TNC: variants seen among roughly 807,000 people sequenced by gnomAD.
The protein encoded by TNC is tenascin C.
In TNC, 109 loss-of-function variants were observed where a neutral mutation model predicts 202.4. The ratio of observed to expected loss-of-function variants is 0.54; its 90% CI spans 0.46 to 0.63. The LOEUF (loss-of-function observed/expected upper bound fraction) is 0.63, where lower values mean the gene tolerates loss of function less well. Among genes scored for constraint, TNC ranks in the 30% least tolerant of loss-of-function variants. TNC has a pLI of 0.00. For synonymous variants in TNC, 1,007 were observed against 1,089.7 expected, an observed-to-expected ratio of 0.92 and a Z score of 1.50; for missense variants, 2,756 against 2,833.3, an observed-to-expected ratio of 0.97 and a Z score of 0.62.
Position 115,090,856 on chromosome 9 carries a change from T to C in TNC, c.163A>G (p.Asn55Asp). The C allele has an allele frequency of 1.9e-6, 3 of 1,614,218 alleles. No homozygotes were observed. The highest frequency in any genetic ancestry group is 2.5e-6 in the Non-Finnish European group (3 of 1,180,038). ...NQPVVFNHVY[N>D]IKLPVGSQCS... is the part of the protein sequence containing the mutation. ...TGGGATCCCACTGGCAGCTTGATGTTGTAAACGTGGTTAAACACCACTGGC... is the reference window on the plus strand; with the variant it reads ...TGGGATCCCACTGGCAGCTTGATGTCGTAAACGTGGTTAAACACCACTGGC... The change falls in exon 2 of 28, where the codon AAC (asparagine) becomes GAC (aspartate). Residue 55 changes from asparagine to aspartate, a missense_variant. Physicochemically the swap from Asn to Asp is conservative, Grantham distance 23. This residue lies in a region of TNC where 2,559 missense variants were observed against 2,546.0 expected (regional missense o/e 1.01). Transcript: ENST00000350763.
intron 3 of TNC, 75 bp from the exon 4 acceptor site, chr9:115,084,547 C>T: frequency 3.9e-6 from 6 of 1,534,032 alleles, no homozygotes; most frequent in Non-Finnish European, 5.3e-6. Flanking sequence ...TTTGACCTGT[C>T]TTTTCCACTG....
At position 115,026,638 on chromosome 9, in the gene TNC, AG is replaced by A; in HGVS notation, c.6226del (p.Leu2076CysfsTer26). ...AAAGGCTGTCTCCCCATGGTCCCGC[AG>A]GTCCACCCGGAGCTCGTACTGCCCC... ...AQGQYELRVD[L>X]RDHGETAFAV... On this transcript the variant is annotated frameshift_variant, in exon 26 of 28. Coordinates refer to ENST00000350763, the MANE Select transcript of TNC (RefSeq NM_002160.4). LOFTEE classifies it high-confidence loss of function. 2 of 1,613,908 alleles carry A rather than the reference AG, an allele frequency of 1.2e-6. No homozygotes were observed. The highest frequency in any genetic ancestry group is 1.7e-6 in the Non-Finnish European group (2 of 1,179,968).
chr9:115,052,788 T>C, intron 15 of TNC: 1 of 702,574 alleles, frequency 1.4e-6, no homozygotes, highest in Non-Finnish European at 2.6e-6. Context: ...CCAGCCAAGG[T>C]GGTTCCTGCC....
intron 1 of TNC, among the ~76,000 whole-genome samples, chr9:115,106,563 G>A (rs1205306493): frequency 6.6e-6 from 1 of 152,136 alleles, no homozygotes; most frequent in Non-Finnish European, 1.5e-5. Context: ...TAGGCCAGGT[G>A]GACTATAATA....
chr9:115,051,528 C>CTTTTTT (rs1249354542), intron 15 of TNC, among the ~76,000 whole-genome samples: 2 of 90,678 alleles, frequency 2.2e-5, no homozygotes, highest in Non-Finnish European at 4.5e-5. Flanking sequence ...TTTCTTTTTT[C>CTTTTTT]TTTTTTTTCT....
At chr9:115,087,773 C>T (rs2133551068) in intron 2 of TNC, among the ~76,000 whole-genome samples, 1 of 146,142 alleles carries the variant, frequency 6.8e-6, no homozygotes, top group Admixed American at 7.0e-5. Flanking sequence ...GCCATCTTGG[C>T]TCACTGCAAG....
intron 1 of TNC, among the ~76,000 whole-genome samples, chr9:115,117,502 C>T (rs544324065): frequency 6.6e-6 from 1 of 152,296 alleles, no homozygotes; most frequent in Non-Finnish European, 1.5e-5. Context: ...GTACAAAACT[C>T]TTTGTAAACT....
At chr9:115,058,747 A>G (rs1330368) in intron 14 of TNC, among the ~76,000 whole-genome samples, 78,415 of 152,052 alleles carry the variant, frequency 0.52, 20,956 homozygotes, top group African/African-American at 0.65. Flanking sequence ...TAAAAAGGGG[A>G]GCAGTCATAT....
intron 10 of TNC, among the ~76,000 whole-genome samples, chr9:115,069,877 AT>A (rs1358088344): frequency 7.1e-6 from 1 of 140,140 alleles, no homozygotes; most frequent in Non-Finnish European, 1.5e-5. Context: ...TTCTATCCAG[AT>A]TAAGCGGAAT....
At chr9:115,037,008 C>T (rs1358079411) in intron 20 of TNC, among the ~76,000 whole-genome samples, 3 of 152,260 alleles carry the variant, frequency 2.0e-5, no homozygotes, top group East Asian at 1.9e-4. Flanking sequence ...TCCATGGTTC[C>T]CATGAACTAT....
chr9:115,027,834 T>G (rs1187104253), intron 25 of TNC, among the ~76,000 whole-genome samples: 2 of 152,124 alleles, frequency 1.3e-5, no homozygotes, highest in African/African-American at 4.8e-5. Flanking sequence ...GTTCATTGGT[T>G]AGACTCCTAT....
chr9:115,059,123 C>CT (rs35235030), intron 14 of TNC, among the ~76,000 whole-genome samples: 6 of 151,714 alleles, frequency 4.0e-5, no homozygotes, highest in South Asian at 2.1e-4. Context: ...TGTGTAATTT[C>CT]TTTTTTTTTC....
At position 115,024,228 on chromosome 9, in the gene TNC, G is replaced by A. The variant is rs888549766; in HGVS notation, c.6332-92C>T. ...GCAGAACCAGAGGTGACAATTGAAA[G>A]GTTCTGGGTGTGGGACTGGCCTTGA... On this transcript the variant is annotated intron_variant, in intron 26 of 27. Transcript: ENST00000350763. 9 of 1,394,768 alleles carry A rather than the reference G, an allele frequency of 6.5e-6. No homozygotes were observed. The African/African-American group carries it at 9.9e-5, about 15-fold the overall frequency. The allele number at this position is 1,394,768 out of a possible 1,614,324, so 86.4% of individuals were successfully genotyped here. A position where few individuals can be genotyped will look rare whatever the true frequency, so the allele number is the denominator to read the frequency against.
At chr9:115,074,225 G>A (rs1833678006) in intron 9 of TNC, among the ~76,000 whole-genome samples, 1 of 152,212 alleles carries the variant, frequency 6.6e-6, no homozygotes, top group Non-Finnish European at 1.5e-5. Context: ...GTTTCAAAAT[G>A]TTACATGCTG....
Position 115,038,303 on chromosome 9 carries a change from C to G in TNC, c.5470G>C (p.Ala1824Pro), listed in dbSNP as rs1214841720. 4 of 1,614,094 alleles carry G rather than the reference C, an allele frequency of 2.5e-6. No individual in the cohort carries two copies. The highest frequency in any genetic ancestry group is 3.4e-6 in the Non-Finnish European group (4 of 1,179,988). Reference protein sequence around the residue: ...EALARWQPAIATVDSYVISYT... With the variant: ...EALARWQPAIPTVDSYVISYT... ...GAGATGACATAACTGTCCACAGTGG[C>G]AATGGCTGGCTGCCACCTGGCCAAG... The change falls in exon 20 of 28, where the codon GCC becomes CCC. Residue 1824 changes from alanine to proline, a missense_variant. Physicochemically the swap from Ala to Pro is conservative, Grantham distance 27. Transcript: ENST00000350763.
intron 27 of TNC, among the ~76,000 whole-genome samples, chr9:115,022,815 G>T (rs1211913318): frequency 6.6e-6 from 1 of 152,138 alleles, no homozygotes; most frequent in South Asian, 2.1e-4. Flanking sequence ...AGATACAGAA[G>T]GTAACAGTGC....
At chr9:115,088,696 T>C in intron 2 of TNC, among the ~76,000 whole-genome samples, 1 of 152,008 alleles carries the variant, frequency 6.6e-6, no homozygotes, top group Non-Finnish European at 1.5e-5. Flanking sequence ...GAAGAAAGAA[T>C]TTTTTAAAAA....
intron 24 of TNC, 80 bp downstream of exon 24, chr9:115,030,174 T>A (rs575469874): frequency 1.2e-4 from 169 of 1,395,242 alleles, no homozygotes; most frequent in Non-Finnish European, 1.6e-4. Context: ...CAGGAGGAGA[T>A]CACCCTCTTC....
chr9:115,049,250 G>A (rs749823863), intron 15 of TNC, among the ~76,000 whole-genome samples: 1 of 152,062 alleles, frequency 6.6e-6, no homozygotes, highest in Non-Finnish European at 1.5e-5. Context: ...GTATGTCCCA[G>A]GCATTCTGAT....
Sources: gnomAD v4.1 joint callset for allele counts (sites outside exome capture counted in the v4.1 genomes callset) on GRCh38, gnomAD v4.1.1 for gene constraint, gnomAD v4.1.1 regional missense constraint, MANE v1.5 for transcripts, NCBI Gene and HGNC (gene_info 2026-07-23, HGNC 2026-07-21) for gene names.